UEVLD: variants seen among roughly 807,000 people sequenced by gnomAD.
UEVLD encodes UEV and lactate/malate dehyrogenase domains.
A neutral mutation model predicts 58.6 loss-of-function variants in UEVLD; 47 were observed. The observed-to-expected ratio is 0.80, with a 90% CI of 0.63 to 1.02. The LOEUF (loss-of-function observed/expected upper bound fraction) is 1.02, where lower values mean the gene tolerates loss of function less well. Ranked by LOEUF, UEVLD falls within the 50% of genes least tolerant of loss-of-function variation. The pLI, the probability that UEVLD is intolerant of heterozygous loss-of-function variation, is 0.00. For synonymous variants in UEVLD, 197 were observed against 195.3 expected (o/e 1.01, Z -0.07); for missense variants, 510 against 550.6 (o/e 0.93, Z 0.74).
intron 6 of UEVLD, among the ~76,000 whole-genome samples, chr11:18,562,257 G>C (rs12049912): frequency 0.18 from 27,193 of 151,920 alleles, 2,847 homozygotes; most frequent in East Asian, 0.41. Flanking sequence ...TTTAATTTTT[G>C]TAGGGTGGAG....
At chr11:18,572,144 G>A (rs1344721824) in intron 3 of UEVLD, among the ~76,000 whole-genome samples, 1 of 152,158 alleles carries the variant, frequency 6.6e-6, no homozygotes, top group Non-Finnish European at 1.5e-5. Flanking sequence ...GCTGAGGCAG[G>A]AGAATGGCAT....
At chr11:18,540,258 C>T (rs944559660) in intron 9 of UEVLD, among the ~76,000 whole-genome samples, 2 of 152,144 alleles carry the variant, frequency 1.3e-5, no homozygotes, top group Non-Finnish European at 2.9e-5. Flanking sequence ...TCTGGAAAAC[C>T]ACTACCTCCT....
chr11:18,581,582 G>A (rs2134068819), intron 1 of UEVLD, among the ~76,000 whole-genome samples: 1 of 152,170 alleles, frequency 6.6e-6, no homozygotes, highest in Non-Finnish European at 1.5e-5. Context: ...TACTCAGGAG[G>A]CTGAGGCAGG....
intron 4 of UEVLD, among the ~76,000 whole-genome samples, chr11:18,569,230 A>G (rs1185593127): frequency 2.0e-5 from 3 of 152,118 alleles, no homozygotes; most frequent in Non-Finnish European, 2.9e-5. Flanking sequence ...TTTTATACAG[A>G]TTTTTAATTA....
rs1850562092 is a variant in UEVLD at position 18,531,598 on chromosome 11, C to CT, written c.*721dup. 1 of 152,104 alleles carries CT rather than the reference C, an allele frequency of 6.6e-6. No individual in the cohort carries two copies. The highest frequency in any genetic ancestry group is 6.6e-5 in the Admixed American group (1 of 15,264). The allele number at this position is 152,104 out of a possible 1,614,324, so 9.4% of individuals were successfully genotyped here. Reference sequence around the variant, plus strand: ...TATTTCCACTAAAAATATATATTTGCTTATGGTTCCACTAATATCACAATT... The same window carrying CT: ...TATTTCCACTAAAAATATATATTTGCTTTATGGTTCCACTAATATCACAATT... On this transcript the variant is annotated 3_prime_UTR_variant, in exon 12 of 12. Transcript: ENST00000396197.
chr11:18,568,586 G>C (rs1019847579), intron 4 of UEVLD, among the ~76,000 whole-genome samples: 1 of 152,078 alleles, frequency 6.6e-6, no homozygotes, highest in African/African-American at 2.4e-5. Context: ...ACATTTAACT[G>C]GCAATCTTAT....
At chr11:18,565,057 T>C (rs747080985) in intron 5 of UEVLD, 47 bp from the exon 6 acceptor site, 1 of 1,413,658 alleles carries the variant, frequency 7.1e-7, no homozygotes, top group South Asian at 1.2e-5. Context: ...ATATCAAGAA[T>C]TTTTTTAGGA....
chr11:18,559,440 C>T (rs1851908620), intron 6 of UEVLD, among the ~76,000 whole-genome samples: 1 of 152,024 alleles, frequency 6.6e-6, no homozygotes, highest in Non-Finnish European at 1.5e-5. Flanking sequence ...CTCAAGTGAT[C>T]TGCCTGCCTC....
At position 18,531,099 on chromosome 11, in the gene UEVLD, C is replaced by G. The variant is rs1051750788; in HGVS notation, c.*1221G>C. 4.6e-5 allele frequency: 7 copies of G among 152,272 alleles called. No individual in the cohort carries two copies. Among genetic ancestry groups the G allele is most frequent in the Admixed American group, 1.3e-4 (2 of 15,296 alleles). The allele number at this position is 152,272 out of a possible 1,614,324, so 9.4% of individuals were successfully genotyped here. On this transcript the variant is annotated 3_prime_UTR_variant, in exon 12 of 12. Transcript: ENST00000396197. Reference sequence around the variant, plus strand: ...CCTTTCATGGTGTACAGGACCCCAGCTTTAGGGTCTTTTGATAACTATTTT... The same window carrying G: ...CCTTTCATGGTGTACAGGACCCCAGGTTTAGGGTCTTTTGATAACTATTTT...
chr11:18,570,168 T>TAA lies in UEVLD; in HGVS notation c.357+44_357+45dup, dbSNP rs11445836. 8.2e-3 allele frequency: 11,276 copies of TAA among 1,376,676 alleles called. 10 individuals carry two copies. The highest frequency in any genetic ancestry group is 0.015 in the Middle Eastern group (76 of 5,158). The allele number at this position is 1,376,676 out of a possible 1,614,324, so 85.3% of individuals were successfully genotyped here. The stretch of plus-strand genomic sequence containing the variant: ...ACCAGCAGAATCAATGATAGGTATT[T>TAA]AAAAAAAAAAAAAAGCTTTCTGTAG... On this transcript the variant is annotated intron_variant, in intron 4 of 11. Transcript: ENST00000396197.
chr11:18,569,145 C>G (rs1032413503), intron 4 of UEVLD, among the ~76,000 whole-genome samples: 1 of 152,176 alleles, frequency 6.6e-6, no homozygotes, highest in African/African-American at 2.4e-5. Flanking sequence ...CCACCCGCCT[C>G]GGCCTACCAA....
intron 1 of UEVLD, among the ~76,000 whole-genome samples, chr11:18,583,738 C>T (rs1193340415): frequency 4.7e-5 from 7 of 149,506 alleles, no homozygotes; most frequent in African/African-American, 1.7e-4. Flanking sequence ...CCCGGCTCAC[C>T]GCAACCTGCA....
intron 1 of UEVLD, chr11:18,579,612 T>G (rs1853125631): frequency 5.2e-6 from 2 of 383,668 alleles, no homozygotes; most frequent in Non-Finnish European, 7.1e-6. Flanking sequence ...GTCAGGTGTG[T>G]GAACTGCCTC....
intron 6 of UEVLD, among the ~76,000 whole-genome samples, chr11:18,561,570 G>A (rs546485382): frequency 6.6e-5 from 10 of 152,222 alleles, no homozygotes; most frequent in South Asian, 2.1e-4. Flanking sequence ...GGCCAGGCAC[G>A]GTGGCTCACG....
intron 3 of UEVLD, among the ~76,000 whole-genome samples, chr11:18,575,035 C>CAA (rs1852827625): frequency 6.6e-6 from 1 of 152,088 alleles, no homozygotes; most frequent in Non-Finnish European, 1.5e-5. Flanking sequence ...TGAAAGAAGT[C>CAA]CCCCCAAAAT....
intron 5 of UEVLD, 150 bp downstream of exon 5, chr11:18,566,195 GGC>G: frequency 3.6e-6 from 4 of 1,120,308 alleles, no homozygotes; most frequent in Non-Finnish European, 5.0e-6. Flanking sequence ...CACTGCGCCT[GGC>G]CTGAGGCACA....
chr11:18,545,749 T>C (rs976814601), intron 8 of UEVLD, among the ~76,000 whole-genome samples: 7 of 152,190 alleles, frequency 4.6e-5, no homozygotes, highest in African/African-American at 1.7e-4. Flanking sequence ...CTGGTCAAAT[T>C]TTATTGTTAA....
chr11:18,548,334 TCAGTC>T (rs1310916698), intron 7 of UEVLD, among the ~76,000 whole-genome samples: 1 of 152,210 alleles, frequency 6.6e-6, no homozygotes, highest in Non-Finnish European at 1.5e-5. Flanking sequence ...TAGAATGGCA[TCAGTC>T]CAGTCAACAT....
At position 18,532,344 on chromosome 11, in the gene UEVLD, A is replaced by G. The variant is rs1487108390; in HGVS notation, c.1392T>C (p.Ser464=). The G allele has an allele frequency of 1.9e-6, 3 of 1,609,942 alleles. No homozygotes were observed. In the Admixed American group the frequency reaches 5.1e-5, roughly 27 times the overall value. The change falls in exon 12 of 12, where the codon AGT becomes AGC. Residue 464 remains serine (S), a synonymous_variant. Coordinates refer to ENST00000396197, the MANE Select transcript of UEVLD (RefSeq NM_001040697.4). The stretch of plus-strand genomic sequence containing the variant: ...ATCAAAGTTTTAACTGTTGTTGGAG[A>G]CTGTGGATTGAGGATGCACTGCTTT... ...KLQSSASSIH[S]LQQQLKL
Sources: allele counts gnomAD v4.1 joint callset (sites outside exome capture counted in the v4.1 genomes callset), GRCh38; gene constraint gnomAD v4.1.1; transcripts MANE v1.5; gene names NCBI Gene and HGNC (gene_info 2026-07-23, HGNC 2026-07-21).